The following SNTG1 variants were observed in gnomAD, a reference collection of about 807,000 sequenced individuals.
The protein encoded by SNTG1 is syntrophin gamma 1.
SNTG1 carries 39 observed loss-of-function variants against 74.7 expected under a neutral mutation model. That is an observed-to-expected ratio of 0.52 (90% confidence interval 0.40 to 0.68). SNTG1 has a LOEUF of 0.68. Ranked by LOEUF, SNTG1 falls within the 30% of genes least tolerant of loss-of-function variation. The pLI is 0.00. For synonymous variants in SNTG1, 254 were observed against 217.1 expected (o/e 1.17, Z -1.49); for missense variants, 685 against 609.5 (o/e 1.12, Z -1.30).
intron 2 of SNTG1, among the ~76,000 whole-genome samples, chr8:50,321,460 A>T (rs1388100375): frequency 6.6e-6 from 1 of 152,082 alleles, no homozygotes; most frequent in Admixed American, 6.5e-5. Context: ...GCAACAGATT[A>T]TTGGGTCTTC....
intron 1 of SNTG1, among the ~76,000 whole-genome samples, chr8:50,018,754 T>G (rs1459103166): frequency 6.6e-6 from 1 of 152,068 alleles, no homozygotes; most frequent in East Asian, 1.9e-4. Flanking sequence ...TCTAGATAAA[T>G]TAGATAAATG....
chr8:50,643,128 G>A (rs1187550887), intron 13 of SNTG1, among the ~76,000 whole-genome samples: 1 of 152,158 alleles, frequency 6.6e-6, no homozygotes, highest in Non-Finnish European at 1.5e-5. Flanking sequence ...GAATTGTCAG[G>A]GAAAAGTCAA....
At chr8:50,261,442 T>C (rs1586880500) in intron 2 of SNTG1, among the ~76,000 whole-genome samples, 2 of 152,272 alleles carry the variant, frequency 1.3e-5, no homozygotes, top group Admixed American at 1.3e-4. Flanking sequence ...GTTAGAAACC[T>C]TAATATAGTT....
chr8:50,478,905 C>A (rs2093717539), intron 8 of SNTG1, among the ~76,000 whole-genome samples: 1 of 152,088 alleles, frequency 6.6e-6, no homozygotes, highest in East Asian at 1.9e-4. Flanking sequence ...TATGAAATTC[C>A]TCTTATTTTA....
At chr8:50,128,711 GTTAAC>G (rs1013646318) in intron 1 of SNTG1, among the ~76,000 whole-genome samples, 9 of 152,010 alleles carry the variant, frequency 5.9e-5, no homozygotes, top group African/African-American at 2.2e-4. Flanking sequence ...TGAAAAGTAA[GTTAAC>G]TTAAGTTCTT....
intron 2 of SNTG1, among the ~76,000 whole-genome samples, chr8:50,208,167 G>A (rs1457592803): frequency 6.6e-6 from 1 of 152,142 alleles, no homozygotes; most frequent in Admixed American, 6.5e-5. Flanking sequence ...ACAGTGGGAT[G>A]TTAAAGTCTC....
chr8:50,713,651 C>T (rs929084193), intron 17 of SNTG1, among the ~76,000 whole-genome samples: 1 of 152,044 alleles, frequency 6.6e-6, no homozygotes, highest in African/African-American at 2.4e-5. Flanking sequence ...ATATTTAAGT[C>T]TTACGTTTAA....
At chr8:50,092,918 A>G (rs1357041761) in intron 1 of SNTG1, among the ~76,000 whole-genome samples, 1 of 152,138 alleles carries the variant, frequency 6.6e-6, no homozygotes, top group African/African-American at 2.4e-5. Context: ...AATACAGTAA[A>G]AGTATTATAA....
chr8:50,068,493 C>T (rs1382132149), intron 1 of SNTG1, among the ~76,000 whole-genome samples: 1 of 152,156 alleles, frequency 6.6e-6, no homozygotes, highest in Non-Finnish European at 1.5e-5. Context: ...GGGAGCTGGG[C>T]TTGCGCTGCG....
At chr8:50,685,920 C>A (rs1357224326) in intron 15 of SNTG1, among the ~76,000 whole-genome samples, 2 of 152,092 alleles carry the variant, frequency 1.3e-5, no homozygotes, top group African/African-American at 4.8e-5. Context: ...TTGTATTCTA[C>A]CATGCAATAT....
chr8:50,746,360 G>A (rs1417006975), intron 17 of SNTG1, among the ~76,000 whole-genome samples: 1 of 151,894 alleles, frequency 6.6e-6, no homozygotes, highest in Non-Finnish European at 1.5e-5. Flanking sequence ...TTAAATGAAA[G>A]CCTCTCAGGG....
intron 4 of SNTG1, among the ~76,000 whole-genome samples, chr8:50,408,237 C>T (rs527980929): frequency 5.3e-5 from 8 of 151,326 alleles, no homozygotes; most frequent in South Asian, 2.1e-4. Context: ...CTTTGGGAAG[C>T]GACTATTATC....
At chr8:50,046,856 C>G (rs1421343627) in intron 1 of SNTG1, among the ~76,000 whole-genome samples, 1 of 152,080 alleles carries the variant, frequency 6.6e-6, no homozygotes, top group Non-Finnish European at 1.5e-5. Context: ...GTTGATGTTT[C>G]TTCATAACCA....
intron 2 of SNTG1, among the ~76,000 whole-genome samples, chr8:50,305,279 ATCTAAGGACAGTCTAATTT>A (rs1391869789): frequency 6.6e-6 from 1 of 152,140 alleles, no homozygotes; most frequent in East Asian, 1.9e-4. Flanking sequence ...AATGAAAAAA[ATCTAAGGACAGTCTAATTT>A]TCTTTCTCTT....
At chr8:50,570,723 G>A (rs2094544611) in intron 12 of SNTG1, among the ~76,000 whole-genome samples, 2 of 151,422 alleles carry the variant, frequency 1.3e-5, no homozygotes, top group Non-Finnish European at 2.9e-5. Flanking sequence ...TTCTGCCTCA[G>A]GCTCCCAAAT....
chr8:50,296,255 A>C (rs1446957249), intron 2 of SNTG1, among the ~76,000 whole-genome samples: 1 of 152,210 alleles, frequency 6.6e-6, no homozygotes, highest in Non-Finnish European at 1.5e-5. Flanking sequence ...CAGCAATCCC[A>C]TTACTGGGAA....
chr8:50,121,374 T>C (rs1386651191), intron 1 of SNTG1, among the ~76,000 whole-genome samples: 2 of 142,214 alleles, frequency 1.4e-5, no homozygotes, highest in Non-Finnish European at 3.1e-5. Flanking sequence ...CCTAGTTCTA[T>C]GTGCACTGCT....
chr8:50,305,793 G>A (rs2089866086), intron 2 of SNTG1, among the ~76,000 whole-genome samples: 1 of 151,288 alleles, frequency 6.6e-6, no homozygotes, highest in African/African-American at 2.4e-5. Flanking sequence ...AGTAATATCT[G>A]GATTAAGAAA....
At chr8:50,359,049 C>T (rs975302615) in intron 2 of SNTG1, among the ~76,000 whole-genome samples, 34 of 152,264 alleles carry the variant, frequency 2.2e-4, no homozygotes, top group African/African-American at 7.0e-4. Context: ...CAATGACAGG[C>T]GACAGCAAAT....
Sources: gnomAD v4.1 joint callset for allele counts (sites outside exome capture counted in the v4.1 genomes callset) on GRCh38, gnomAD v4.1.1 for gene constraint, MANE v1.5 for transcripts, NCBI Gene and HGNC (gene_info 2026-07-23, HGNC 2026-07-21) for gene names.